RABGAP1L: variants seen among roughly 807,000 people sequenced by gnomAD.
RABGAP1L encodes rab GTPase-activating protein 1-like.
RABGAP1L carries 63 observed loss-of-function variants against 137.7 expected under a neutral mutation model. The ratio of observed to expected loss-of-function variants is 0.46; its 90% confidence interval spans 0.37 to 0.56. RABGAP1L has a LOEUF of 0.56. Ranked by LOEUF, RABGAP1L falls within the 20% of genes least tolerant of loss-of-function variation. RABGAP1L has a pLI of 0.00. For missense variants in RABGAP1L, 1,095 were observed against 1,244.0 expected, an observed-to-expected ratio of 0.88 and a Z score of 1.80; for synonymous variants, 431 against 433.7, an observed-to-expected ratio of 0.99 and a Z score of 0.08.
chr1:174,573,497 G>T (rs1157432903), intron 13 of RABGAP1L, among the ~76,000 whole-genome samples: 4 of 152,010 alleles, frequency 2.6e-5, no homozygotes, highest in South Asian at 2.1e-4. Context: ...GAAATATTTT[G>T]TGATTTAAAA....
intron 1 of RABGAP1L, among the ~76,000 whole-genome samples, chr1:174,170,404 G>A (rs1468272633): frequency 6.6e-6 from 1 of 152,002 alleles, no homozygotes; most frequent in East Asian, 1.9e-4. Context: ...ATAGCCAGGC[G>A]CCGTGGCTCA....
At chr1:174,793,038 A>T (rs1687975664) in intron 18 of RABGAP1L, among the ~76,000 whole-genome samples, 1 of 152,146 alleles carries the variant, frequency 6.6e-6, no homozygotes, top group Non-Finnish European at 1.5e-5. Context: ...AGGCTGAGGC[A>T]GGAGAATCAC....
intron 14 of RABGAP1L, among the ~76,000 whole-genome samples, chr1:174,645,652 T>G (rs1674909007): frequency 6.6e-6 from 1 of 152,206 alleles, no homozygotes; most frequent in Non-Finnish European, 1.5e-5. Context: ...AAGTTTTTGC[T>G]ATTGTGAATA....
At chr1:174,877,906 A>C (rs963326343) in intron 19 of RABGAP1L, among the ~76,000 whole-genome samples, 1 of 152,206 alleles carries the variant, frequency 6.6e-6, no homozygotes, top group Non-Finnish European at 1.5e-5. Context: ...ATATTTACAT[A>C]GCATACAATT....
intron 13 of RABGAP1L, among the ~76,000 whole-genome samples, chr1:174,473,410 C>T (rs756872888): frequency 9.2e-5 from 14 of 152,120 alleles, no homozygotes. Flanking sequence ...TTTGGTATAG[C>T]ATCTACTGCC....
At chr1:174,316,459 G>T (rs1428102780) in intron 11 of RABGAP1L, among the ~76,000 whole-genome samples, 1 of 152,198 alleles carries the variant, frequency 6.6e-6, no homozygotes, top group Non-Finnish European at 1.5e-5. Context: ...AGCTCCTCAA[G>T]CCCAGTAATG....
chr1:174,453,987 G>A (rs1332304397), intron 13 of RABGAP1L, among the ~76,000 whole-genome samples: 1 of 152,098 alleles, frequency 6.6e-6, no homozygotes, highest in Non-Finnish European at 1.5e-5. Flanking sequence ...GCTGAAGGCT[G>A]GGCGCGGTGG....
chr1:174,812,354 T>C (rs148342278), intron 19 of RABGAP1L, among the ~76,000 whole-genome samples: 68 of 152,350 alleles, frequency 4.5e-4, no homozygotes, highest in African/African-American at 1.5e-3. Flanking sequence ...ACTTGGAAAG[T>C]TTGAGTCTTG....
At chr1:174,555,943 A>G (rs549780018) in intron 13 of RABGAP1L, among the ~76,000 whole-genome samples, 5 of 148,936 alleles carry the variant, frequency 3.4e-5, no homozygotes, top group Non-Finnish European at 5.9e-5. Context: ...TTGTAGGACT[A>G]TGTTTGGATC....
intron 1 of RABGAP1L, among the ~76,000 whole-genome samples, chr1:174,166,457 T>C (rs1352069262): frequency 1.3e-5 from 2 of 152,238 alleles, no homozygotes; most frequent in South Asian, 2.1e-4. Context: ...CAGGGTATTT[T>C]ATACAAAATC....
intron 15 of RABGAP1L, among the ~76,000 whole-genome samples, chr1:174,687,261 T>TC (rs1333749963): frequency 2.0e-5 from 3 of 152,116 alleles, no homozygotes; most frequent in African/African-American, 7.2e-5. Flanking sequence ...CTTTGTGAAC[T>TC]CCAACAAGAT....
intron 14 of RABGAP1L, among the ~76,000 whole-genome samples, chr1:174,656,600 C>G (rs1268277240): frequency 1.3e-5 from 2 of 152,174 alleles, no homozygotes; most frequent in Non-Finnish European, 2.9e-5. Context: ...ATCAATCACC[C>G]TTTATTACCC....
intron 11 of RABGAP1L, among the ~76,000 whole-genome samples, chr1:174,321,107 G>T (rs565317531): frequency 2.6e-5 from 4 of 152,232 alleles, no homozygotes; most frequent in South Asian, 2.1e-4. Flanking sequence ...TATGGTTGTT[G>T]ATAAGGGATA....
intron 21 of RABGAP1L, among the ~76,000 whole-genome samples, chr1:174,969,595 T>A (rs1383548543): frequency 1.3e-5 from 2 of 152,262 alleles, no homozygotes; most frequent in Non-Finnish European, 2.9e-5. Context: ...TGACATACTT[T>A]CTTTATACCT....
chr1:174,341,981 A>C (rs908540374), intron 11 of RABGAP1L, among the ~76,000 whole-genome samples: 3 of 152,154 alleles, frequency 2.0e-5, no homozygotes, highest in African/African-American at 7.2e-5. Context: ...GCTAAATGTT[A>C]CAGTTTTTCA....
chr1:174,304,917 T>C, intron 10 of RABGAP1L, 69 bp from the exon 11 acceptor site: 1 of 1,350,500 alleles, frequency 7.4e-7, no homozygotes, highest in Non-Finnish European at 1.0e-6. Context: ...GAATGCATTA[T>C]TTAAATACTA....
intron 1 of RABGAP1L, among the ~76,000 whole-genome samples, chr1:174,174,257 C>T (rs1295736310): frequency 6.6e-6 from 1 of 150,958 alleles, no homozygotes; most frequent in Admixed American, 6.6e-5. Flanking sequence ...ATAGATAATA[C>T]AAGGAAAACA....
At chr1:174,621,370 A>G (rs1392080680) in intron 13 of RABGAP1L, among the ~76,000 whole-genome samples, 2 of 152,194 alleles carry the variant, frequency 1.3e-5, no homozygotes, top group Admixed American at 1.3e-4. Flanking sequence ...GTTCATATGG[A>G]ACCAAAAATG....
intron 18 of RABGAP1L, among the ~76,000 whole-genome samples, chr1:174,798,256 A>T (rs1688425160): frequency 6.6e-6 from 1 of 151,594 alleles, no homozygotes; most frequent in Non-Finnish European, 1.5e-5. Context: ...AAAAAAAAAA[A>T]AATAGCTGGG....
Sources: gnomAD v4.1 joint callset for allele counts (sites outside exome capture counted in the v4.1 genomes callset) on GRCh38, gnomAD v4.1.1 for gene constraint, MANE v1.5 for transcripts, NCBI Gene and HGNC (gene_info 2026-07-23, HGNC 2026-07-21) for gene names.